Variants in IGF2R observed in about 807,000 individuals in gnomAD.
The protein encoded by IGF2R is cation-independent mannose-6-phosphate receptor.
IGF2R carries 91 observed loss-of-function variants against 270.6 expected under a neutral mutation model. That is an observed-to-expected ratio of 0.34 (90% CI 0.28 to 0.40). IGF2R has a LOEUF of 0.40. Ranked by LOEUF, IGF2R falls within the 10% of genes least tolerant of loss-of-function variation. The probability of loss-of-function intolerance (pLI) is 1.00; values close to 1 mark genes in which losing one functional copy is unlikely to be tolerated. For synonymous variants in IGF2R, 1,316 were observed against 1,258.9 expected (o/e 1.05, Z -0.96); for missense variants, 2,805 against 3,188.3 (o/e 0.88, Z 2.90).
intron 4 of IGF2R, among the ~76,000 whole-genome samples, chr6:160,018,051 A>T (rs1018469435): frequency 6.6e-6 from 1 of 152,210 alleles, no homozygotes; most frequent in Non-Finnish European, 1.5e-5. Context: ...CACATAAAAG[A>T]TACAGATTGG....
At chr6:160,023,849 G>A (rs1777492544) in intron 4 of IGF2R, among the ~76,000 whole-genome samples, 1 of 152,196 alleles carries the variant, frequency 6.6e-6, no homozygotes, top group African/African-American at 2.4e-5. Context: ...AAAGAGGGCT[G>A]CTCAGTAAGC....
At chr6:159,973,037 T>G (rs1178700045) in intron 1 of IGF2R, among the ~76,000 whole-genome samples, 1 of 152,148 alleles carries the variant, frequency 6.6e-6, no homozygotes, top group Non-Finnish European at 1.5e-5. Context: ...GTAGAAAACT[T>G]GTTTCTGAGG....
chr6:160,052,242 G>C (rs183029680), intron 19 of IGF2R, among the ~76,000 whole-genome samples: 307 of 152,234 alleles, frequency 2.0e-3, no homozygotes, highest in African/African-American at 6.9e-3. Context: ...CAAAGTCTCA[G>C]GATACAAAAT....
At position 160,110,742 on chromosome 6, in the gene IGF2R, CAGA is replaced by C. The variant is rs1299250342; in HGVS notation, c.*5664_*5666del. ...ACACACAGTGGAATACCAAGTCTTG[CAGA>C]AGAAGGAAATCCTGTCATTTGTGAC... On this transcript the variant is annotated 3_prime_UTR_variant, in exon 48 of 48. Transcript: ENST00000356956. 11 of 152,174 alleles carry C rather than the reference CAGA, an allele frequency of 7.2e-5. No homozygotes were observed. The highest frequency in any genetic ancestry group is 2.7e-4 in the African/African-American group (11 of 41,430). 9.4% of individuals were successfully genotyped at this position (152,174 alleles called of 1,614,324 possible).
intron 2 of IGF2R, among the ~76,000 whole-genome samples, chr6:160,000,735 T>TTTTTTTTTTTTTG (rs1784115654): frequency 1.4e-5 from 2 of 138,534 alleles, no homozygotes; most frequent in African/African-American, 5.7e-5. Context: ...GTTGTTTTTT[T>TTTTTTTTTTTTTG]TTTTTTTTTT....
Position 160,040,678 on chromosome 6 carries a change from C to T in IGF2R, c.1434C>T (p.Thr478=), listed in dbSNP as rs375734462. 1.9e-5 allele frequency: 30 copies of T among 1,614,166 alleles called. No individual in the cohort carries two copies. The highest frequency in any genetic ancestry group is 6.7e-5 in the Admixed American group (4 of 60,032). ...AGGAAGACCTCCTCTGCGGTGCCAC[C>T]GACGGGAAGAAGCGCTATGACCTGT... ...KEKEDLLCGA[T]DGKKRYDLSA... Residue 478 remains threonine (T), a synonymous_variant, in exon 11 of 48, where the codon ACC becomes ACT. Transcript: ENST00000356956.
intron 36 of IGF2R, among the ~76,000 whole-genome samples, chr6:160,076,594 A>G (rs1241465680): frequency 2.0e-5 from 3 of 152,190 alleles, no homozygotes; most frequent in African/African-American, 4.8e-5. Flanking sequence ...CCTATTCCAC[A>G]GGGACTCAGA....
chr6:159,996,533 A>AG (rs1028793987), intron 2 of IGF2R, among the ~76,000 whole-genome samples: 28 of 152,172 alleles, frequency 1.8e-4, no homozygotes, highest in African/African-American at 6.8e-4. Flanking sequence ...CAGGGGTAGC[A>AG]GGGGTAGCTG....
chr6:160,024,851 T>C, intron 5 of IGF2R, 147 bp downstream of exon 5: 1 of 854,568 alleles, frequency 1.2e-6, no homozygotes, highest in Non-Finnish European at 1.8e-6. Flanking sequence ...AAAAATGTTC[T>C]ATTTGCACAA....
Position 160,060,412 on chromosome 6 carries a change from C to T in IGF2R, c.3092-135C>T, listed in dbSNP as rs183466917. 2.4e-4 allele frequency: 184 copies of T among 782,812 alleles called. 2 individuals are homozygous for T. The highest frequency in any genetic ancestry group is 2.3e-3 in the South Asian group (138 of 60,074). The allele number at this position is 782,812 out of a possible 1,614,324, so 48.5% of individuals were successfully genotyped here. A position where few individuals can be genotyped will look rare whatever the true frequency, so the allele number is the denominator to read the frequency against. On this transcript the variant is annotated intron_variant, in intron 22 of 47. Transcript: ENST00000356956. ...AGTCCCTCGATACACACTTGGTGCC[C>T]TGGTGTCATTGCTCCCACGAACGGC...
Position 160,111,307 on chromosome 6 carries a change from C to A in IGF2R, c.*6223C>A. ...TTCTACCTCTTCCACCTCTGGCACC[C>A]TTGGCACAGCAAGACCAACCCCCCA... On this transcript the variant is annotated 3_prime_UTR_variant, in exon 48 of 48. Coordinates refer to ENST00000356956, the MANE Select transcript of IGF2R (RefSeq NM_000876.4). The A allele has an allele frequency of 6.6e-6, 1 of 152,258 alleles. No homozygotes were observed. Among genetic ancestry groups the A allele is most frequent in the South Asian group, 2.1e-4 (1 of 4,866 alleles). 9.4% of individuals were successfully genotyped at this position (152,258 alleles called of 1,614,324 possible). A position where few individuals can be genotyped will look rare whatever the true frequency, so the allele number is the denominator to read the frequency against.
At chr6:160,027,355 C>A in intron 6 of IGF2R, 41 bp downstream of exon 6, 1 of 1,573,182 alleles carries the variant, frequency 6.4e-7, no homozygotes. Context: ...TTTTAATCTC[C>A]AGCAAGGACC....
rs187668991 is a variant in IGF2R at position 160,087,209 on chromosome 6, C to T, written c.6206-824C>T. Among the ~76,000 whole-genome samples, 20 of 152,342 alleles carry T rather than the reference C, an allele frequency of 1.3e-4. No individual in the cohort carries two copies. In the East Asian group the frequency reaches 2.7e-3, roughly 21 times the overall value. On this transcript the variant is annotated intron_variant, in intron 41 of 47. Transcript: ENST00000356956. ...GACCCTAGAAAACCACAGTTGGTTTCTGTTTCTGGCTTTTCACTTTTTCCA... is the reference window on the plus strand; with the variant it reads ...GACCCTAGAAAACCACAGTTGGTTTTTGTTTCTGGCTTTTCACTTTTTCCA...
At chr6:160,019,358 C>T (rs1292888182) in intron 4 of IGF2R, among the ~76,000 whole-genome samples, 4 of 152,034 alleles carry the variant, frequency 2.6e-5, no homozygotes. Context: ...AGCTCAGGAC[C>T]AGACAGATTG....
chr6:160,015,951 G>A (rs555687190), intron 4 of IGF2R, among the ~76,000 whole-genome samples: 19 of 152,314 alleles, frequency 1.2e-4, no homozygotes, highest in South Asian at 2.1e-4. Context: ...ACCTTCTGCC[G>A]TGAGTGAAAG....
At chr6:160,079,826 TA>T (rs1165802750) in intron 38 of IGF2R, 39 bp downstream of exon 38, 3 of 1,432,210 alleles carry the variant, frequency 2.1e-6, no homozygotes, top group Non-Finnish European at 2.8e-6. Flanking sequence ...TTCAAGCTCA[TA>T]GTAAACTAGA....
chr6:160,092,993 A>G (rs530806771), intron 44 of IGF2R: 10 of 152,454 alleles, frequency 6.6e-5, no homozygotes, highest in African/African-American at 1.7e-4. Context: ...CCCTTTCACC[A>G]TAACTCACAG....
intron 1 of IGF2R, among the ~76,000 whole-genome samples, chr6:159,978,667 A>T (rs1329410455): frequency 6.6e-6 from 1 of 151,610 alleles, no homozygotes; most frequent in African/African-American, 2.4e-5. Context: ...AAAAAAAAGT[A>T]CGGTCGTTTA....
chr6:160,012,060 G>T (rs1221692868), intron 4 of IGF2R, among the ~76,000 whole-genome samples: 2 of 152,104 alleles, frequency 1.3e-5, no homozygotes, highest in East Asian at 3.9e-4. Flanking sequence ...TTCAGATATG[G>T]TCATCTATGA....
Sources: allele counts gnomAD v4.1 joint callset (sites outside exome capture counted in the v4.1 genomes callset), GRCh38; gene constraint gnomAD v4.1.1; transcripts MANE v1.5; gene names NCBI Gene and HGNC (gene_info 2026-07-23, HGNC 2026-07-21).